Variants in LCLAT1 observed in about 807,000 individuals in gnomAD.
LCLAT1 encodes the protein lysocardiolipin acyltransferase 1.
Under a neutral mutation model 30.7 loss-of-function variants are expected in LCLAT1, and 11 were observed. That is an observed-to-expected ratio of 0.36 (90% CI 0.23 to 0.59). The LOEUF is 0.59. Ranked by LOEUF, LCLAT1 falls within the 20% of genes least tolerant of loss-of-function variation. The pLI, the probability that LCLAT1 is intolerant of heterozygous loss-of-function variation, is 0.77. For synonymous variants in LCLAT1, 155 were observed against 151.3 expected, an observed-to-expected ratio of 1.02 and a Z score of -0.18; for missense variants, 402 against 458.6, an observed-to-expected ratio of 0.88 and a Z score of 1.13.
At chr2:30,591,883 C>A (rs922459560) in intron 5 of LCLAT1, among the ~76,000 whole-genome samples, 1 of 152,166 alleles carries the variant, frequency 6.6e-6, no homozygotes, top group African/African-American at 2.4e-5. Flanking sequence ...TCTTGCCTCA[C>A]GCCTTCTACC....
intron 1 of LCLAT1, among the ~76,000 whole-genome samples, chr2:30,507,126 T>G (rs1184531020): frequency 6.6e-6 from 1 of 152,164 alleles, no homozygotes; most frequent in African/African-American, 2.4e-5. Flanking sequence ...AGTGTTCACT[T>G]TAATTTTATG....
chr2:30,461,351 T>A (rs1682115748), intron 1 of LCLAT1, among the ~76,000 whole-genome samples: 1 of 152,232 alleles, frequency 6.6e-6, no homozygotes, highest in Non-Finnish European at 1.5e-5. Flanking sequence ...TTTCATGTAA[T>A]GCCCACCATG....
At chr2:30,540,236 C>T (rs901425937) in intron 3 of LCLAT1, among the ~76,000 whole-genome samples, 1 of 152,168 alleles carries the variant, frequency 6.6e-6, no homozygotes, top group Non-Finnish European at 1.5e-5. Context: ...AATATATACA[C>T]TGTTCTTCAT....
chr2:30,493,960 C>G (rs541707174), intron 1 of LCLAT1, among the ~76,000 whole-genome samples: 4 of 152,186 alleles, frequency 2.6e-5, no homozygotes, highest in Admixed American at 2.6e-4. Flanking sequence ...CAAGACCAGC[C>G]TGGTCAACAT....
At chr2:30,597,455 G>A (rs1436304476) in intron 5 of LCLAT1, among the ~76,000 whole-genome samples, 1 of 152,036 alleles carries the variant, frequency 6.6e-6, no homozygotes, top group Admixed American at 6.6e-5. Context: ...GTCTATTGTT[G>A]GTGTATAGGA....
intron 1 of LCLAT1, among the ~76,000 whole-genome samples, chr2:30,495,240 G>C (rs577321435): frequency 1.3e-5 from 2 of 152,066 alleles, no homozygotes; most frequent in South Asian, 2.1e-4. Flanking sequence ...TGTACATTCT[G>C]TTTATCGGTG....
intron 5 of LCLAT1, among the ~76,000 whole-genome samples, chr2:30,611,407 T>C (rs1284956348): frequency 2.6e-5 from 4 of 152,020 alleles, no homozygotes; most frequent in Non-Finnish European, 5.9e-5. Flanking sequence ...CAGTTGAGGG[T>C]GAAAGAGAGT....
chr2:30,535,575 A>G (rs1686204542), intron 3 of LCLAT1, among the ~76,000 whole-genome samples: 1 of 152,218 alleles, frequency 6.6e-6, no homozygotes, highest in Admixed American at 6.5e-5. Flanking sequence ...AAGAAATCAT[A>G]TGGAGTCTAT....
intron 3 of LCLAT1, among the ~76,000 whole-genome samples, chr2:30,555,019 A>G (rs886277678): frequency 6.6e-6 from 1 of 152,170 alleles, no homozygotes; most frequent in African/African-American, 2.4e-5. Flanking sequence ...GCTGAGCAGA[A>G]TTAATGAAAA....
chr2:30,589,914 G>A (rs531474869), intron 5 of LCLAT1, among the ~76,000 whole-genome samples: 3 of 152,054 alleles, frequency 2.0e-5, no homozygotes, highest in Non-Finnish European at 2.9e-5. Flanking sequence ...GTTTGAAAAG[G>A]GTAAATCAAA....
chr2:30,610,206 T>C (rs1230799229), intron 5 of LCLAT1, among the ~76,000 whole-genome samples: 1 of 152,090 alleles, frequency 6.6e-6, no homozygotes, highest in African/African-American at 2.4e-5. Context: ...TTTTTAGGTT[T>C]CCTTAATAAA....
intron 1 of LCLAT1, among the ~76,000 whole-genome samples, chr2:30,507,740 G>A (rs1684740623): frequency 6.6e-6 from 1 of 152,028 alleles, no homozygotes; most frequent in South Asian, 2.1e-4. Context: ...GATTCCATGT[G>A]TTTGCTATTG....
intron 3 of LCLAT1, among the ~76,000 whole-genome samples, chr2:30,539,457 A>G (rs1019760427): frequency 6.6e-6 from 1 of 152,008 alleles, no homozygotes; most frequent in African/African-American, 2.4e-5. Context: ...AGAGCCAAGC[A>G]TGTTTAGTCA....
intron 1 of LCLAT1, among the ~76,000 whole-genome samples, chr2:30,480,981 G>A (rs113026172): frequency 5.2e-4 from 79 of 152,262 alleles, no homozygotes; most frequent in African/African-American, 1.1e-3. Context: ...ACTATTGAGG[G>A]GAACTTGCTT....
chr2:30,489,652 A>G (rs1337803107), intron 1 of LCLAT1, among the ~76,000 whole-genome samples: 13 of 152,184 alleles, frequency 8.5e-5, no homozygotes, highest in Non-Finnish European at 1.0e-4. Flanking sequence ...CGCCCAGCCC[A>G]CAGTTATCTT....
At chr2:30,486,162 T>C (rs1683547739) in intron 1 of LCLAT1, among the ~76,000 whole-genome samples, 1 of 152,188 alleles carries the variant, frequency 6.6e-6, no homozygotes, top group African/African-American at 2.4e-5. Context: ...CCTCATTGCC[T>C]ATGGGATAAA....
rs759586535 is a variant in LCLAT1 at position 30,593,239 on chromosome 2, T to C, written c.628+25063T>C. ...ATCTATGTTGCTGCAAATGACAGAA[T>C]TCCATTCTTTTTTATGGCTGAATAA... On this transcript the variant is annotated intron_variant, in intron 5 of 5. Coordinates refer to ENST00000379509, the MANE Select transcript of LCLAT1 (RefSeq NM_001002257.3). Among the ~76,000 whole-genome samples, 3 of 152,236 alleles carry C rather than the reference T, an allele frequency of 2.0e-5. 1 individual carries two copies. The highest frequency in any genetic ancestry group is 4.4e-5 in the Non-Finnish European group (3 of 68,028).
chr2:30,577,226 G>T (rs1027822012), intron 5 of LCLAT1, among the ~76,000 whole-genome samples: 2 of 151,942 alleles, frequency 1.3e-5, no homozygotes, highest in Non-Finnish European at 2.9e-5. Context: ...AACTAGTCCA[G>T]GTTCATTTAT....
intron 1 of LCLAT1, among the ~76,000 whole-genome samples, chr2:30,470,849 G>A (rs1682745037): frequency 6.6e-6 from 1 of 151,358 alleles, no homozygotes; most frequent in Non-Finnish European, 1.5e-5. Context: ...ATTGCTTTGA[G>A]TAGTATTGCC....
Sources: gnomAD v4.1 joint callset for allele counts (sites outside exome capture counted in the v4.1 genomes callset) on GRCh38, gnomAD v4.1.1 for gene constraint, MANE v1.5 for transcripts, NCBI Gene and HGNC (gene_info 2026-07-23, HGNC 2026-07-21) for gene names.